GRPEL1: variants seen among roughly 807,000 people sequenced by gnomAD.
GRPEL1 encodes GrpE like 1, mitochondrial, also known as grpE protein homolog 1, mitochondrial.
Under a neutral mutation model 22.1 loss-of-function variants are expected in GRPEL1, and 13 were observed. The ratio of observed to expected loss-of-function variants is 0.59; its 90% CI spans 0.38 to 0.94. The LOEUF is 0.94. GRPEL1 is among the 40% of genes least tolerant of loss of function. GRPEL1 has a pLI of 0.00. For missense variants in GRPEL1, 289 were observed against 264.6 expected (o/e 1.09, Z -0.64); for synonymous variants, 109 against 105.3 (o/e 1.03, Z -0.21).
intron 1 of GRPEL1, among the ~76,000 whole-genome samples, chr4:7,065,982 T>A (rs572664419): frequency 6.6e-6 from 1 of 151,846 alleles, no homozygotes; most frequent in African/African-American, 2.4e-5. Context: ...GCCTGCCGAG[T>A]AGCTGGGACT....
intron 1 of GRPEL1, among the ~76,000 whole-genome samples, chr4:7,065,936 C>A (rs1410202152): frequency 6.6e-6 from 1 of 150,768 alleles, no homozygotes; most frequent in Admixed American, 6.6e-5. Flanking sequence ...TCACTGCAAG[C>A]TCCGCCGCCC....
rs765277858 is a variant in GRPEL1, at chr4:7,068,036, T to C, written c.-4A>G. 1.7e-5 allele frequency: 27 copies of C among 1,612,746 alleles called. No homozygotes were observed. Among genetic ancestry groups the C allele is most frequent in the Middle Eastern group, 3.3e-4 (2 of 6,084 alleles). On this transcript the variant is annotated 5_prime_UTR_variant, in exon 1 of 4. Transcript: ENST00000264954. ...ACCTCACGCACTGAGCCGCCATGAC[T>C]GCCACTGCCCGTCGCAGTCGCCGCG... is the stretch of plus-strand genomic sequence containing the variant.
At position 7,060,787 on chromosome 4, in the gene GRPEL1, A is replaced by G; in HGVS notation, c.*75T>C. ...GTTTGGGAAAAGGTCACACGTACTCATAGATGAGAAACAATGAACCAGCCT... is the reference window on the plus strand; with the variant it reads ...GTTTGGGAAAAGGTCACACGTACTCGTAGATGAGAAACAATGAACCAGCCT... On this transcript the variant is annotated 3_prime_UTR_variant, in exon 4 of 4. Transcript: ENST00000264954. 1.5e-6 allele frequency: 2 copies of G among 1,313,876 alleles called. No homozygotes were observed. The highest frequency in any genetic ancestry group is 2.3e-5 in the East Asian group (1 of 43,304). The allele number at this position is 1,313,876 out of a possible 1,614,324, so 81.4% of individuals were successfully genotyped here. A position where few individuals can be genotyped will look rare whatever the true frequency, so the allele number is the denominator to read the frequency against.
intron 2 of GRPEL1, among the ~76,000 whole-genome samples, chr4:7,062,713 C>T (rs1019029138): frequency 7.2e-5 from 11 of 151,816 alleles, no homozygotes; most frequent in African/African-American, 1.2e-4. Flanking sequence ...AGGGTTTCAC[C>T]GTGTTAGCCA....
intron 3 of GRPEL1, 101 bp downstream of exon 3, chr4:7,062,284 C>A (rs1389043303): frequency 1.3e-5 from 6 of 460,246 alleles, no homozygotes; most frequent in South Asian, 5.9e-5. Flanking sequence ...GGACCCCCCA[C>A]CCCACAGCCT....
rs747692006 is a variant in GRPEL1, at chr4:7,062,505, TATATATA to T, written c.226-46_226-40del. 81 of 596,060 alleles carry T rather than the reference TATATATA, an allele frequency of 1.4e-4. 2 individuals are homozygous for T. The highest frequency in any genetic ancestry group is 2.0e-4 in the South Asian group (5 of 24,584). 36.9% of individuals were successfully genotyped at this position (596,060 alleles called of 1,614,324 possible). On this transcript the variant is annotated intron_variant, in intron 2 of 3. Transcript: ENST00000264954. ...AAAGGGATATTTATATATATATATATATATATATATCTTTTTTTTTGAGACGGAATCT... is the reference window on the plus strand; with the variant it reads ...AAAGGGATATTTATATATATATATATTATCTTTTTTTTTGAGACGGAATCT...
intron 1 of GRPEL1, among the ~76,000 whole-genome samples, chr4:7,064,548 T>A (rs1560401194): frequency 6.6e-6 from 1 of 152,152 alleles, no homozygotes; most frequent in African/African-American, 2.4e-5. Context: ...TCTTTTTTTT[T>A]GAGAGAGAGA....
At chr4:7,062,319 TG>T in intron 3 of GRPEL1, 65 bp downstream of exon 3, 2 of 696,772 alleles carry the variant, frequency 2.9e-6, no homozygotes, top group Non-Finnish European at 5.0e-6. Flanking sequence ...TCCGTATGCA[TG>T]GCCTTCCCCT....
At chr4:7,065,839 C>T (rs899027227) in intron 1 of GRPEL1, among the ~76,000 whole-genome samples, 28 of 147,580 alleles carry the variant, frequency 1.9e-4, no homozygotes, top group Admixed American at 1.7e-3. Flanking sequence ...GATTTCTTCA[C>T]CAGGACCAGA....
rs767432447 is a variant in GRPEL1 at position 7,061,220 on chromosome 4, TAAA to T, written c.308-15_308-13del. ...GAAGGCTTGAATGCCTGGATGAAGT[TAAA>T]GAAGATCATTTGCACTCCATACCAA... On this transcript the variant is annotated splice_polypyrimidine_tract_variant and intron_variant, in intron 3 of 3. Transcript: ENST00000264954. The T allele has an allele frequency of 6.3e-7, 1 of 1,595,686 alleles. No individual in the cohort carries two copies. The highest frequency in any genetic ancestry group is 1.3e-5 in the African/African-American group (1 of 74,372).
intron 2 of GRPEL1, 50 bp downstream of exon 2, chr4:7,064,011 G>A (rs750928015): frequency 6.3e-7 from 1 of 1,582,092 alleles, no homozygotes; most frequent in South Asian, 1.1e-5. Context: ...TGGCCCAGGA[G>A]AGAAACAGTT....
In GRPEL1 at chr4:7,062,434, C is replaced by A. The variant is rs1421723632; in HGVS notation, c.258G>T (p.Glu86Asp). 1.3e-6 allele frequency: 2 copies of A among 1,595,276 alleles called. No homozygotes were observed. Among genetic ancestry groups the A allele is most frequent in the South Asian group, 1.1e-5 (1 of 89,214 alleles). The part of the protein sequence containing the change: ...EKYKRALADT[E>D]NLRQRSQKLV... ...ATTTCTGGCTCCTCTGCCGTAAGTTCTCAGTGTCTGCCAAAGCTCGTTTAT... is the reference window on the plus strand; with the variant it reads ...ATTTCTGGCTCCTCTGCCGTAAGTTATCAGTGTCTGCCAAAGCTCGTTTAT... Residue 86 changes from glutamate (E) to aspartate (D), a missense_variant, in exon 3 of 4, where the codon GAG becomes GAT. Transcript: ENST00000264954.
At chr4:7,063,506 T>C (rs1724092978) in intron 2 of GRPEL1, among the ~76,000 whole-genome samples, 1 of 152,132 alleles carries the variant, frequency 6.6e-6, no homozygotes, top group Non-Finnish European at 1.5e-5. Flanking sequence ...GTCCAGGGGG[T>C]TCTAGTTCGA....
At chr4:7,063,300 G>A (rs1724088691) in intron 2 of GRPEL1, among the ~76,000 whole-genome samples, 1 of 151,962 alleles carries the variant, frequency 6.6e-6, no homozygotes, top group African/African-American at 2.4e-5. Context: ...TGTTGCCCAG[G>A]CTGGTCTTGA....
Position 7,060,753 on chromosome 4 carries a change from T to G in GRPEL1, c.*109A>C. 9.8e-7 allele frequency: 1 copy of G among 1,017,648 alleles called. No individual in the cohort carries two copies. The highest frequency in any genetic ancestry group is 1.6e-5 in the South Asian group (1 of 64,066). The allele number at this position is 1,017,648 out of a possible 1,614,324, so 63.0% of individuals were successfully genotyped here. ...GTTTAGCCACTGGTTACTTAAGGTT[T>G]CCAATAAGGTTTGGGAAAAGGTCAC... On this transcript the variant is annotated 3_prime_UTR_variant, in exon 4 of 4. Transcript: ENST00000264954.
chr4:7,065,622 A>C (rs1350471544), intron 1 of GRPEL1, among the ~76,000 whole-genome samples: 4 of 152,136 alleles, frequency 2.6e-5, no homozygotes, highest in Non-Finnish European at 4.4e-5. Flanking sequence ...AAACCATGAA[A>C]GGCTTTGTAG....
At chr4:7,062,254 A>G in intron 3 of GRPEL1, 131 bp downstream of exon 3, 1 of 440,104 alleles carries the variant, frequency 2.3e-6, no homozygotes, top group East Asian at 3.8e-5. Context: ...ATAAAAAAAA[A>G]TGCAGGGGAT....
chr4:7,064,153 C>G lies in GRPEL1; in HGVS notation c.133G>C (p.Gly45Arg), dbSNP rs945766651. 1 of 1,614,192 alleles carries G rather than the reference C, an allele frequency of 6.2e-7. No homozygotes were observed. ...NSGQNLEEDM[G>R]QSEQKADPPA... ...GGATCTGCCTTCTGTTCACTCTGAC[C>G]CATGTCCTCTTCCAGGTTCTGGCCA... is the stretch of plus-strand genomic sequence containing the variant. The change falls in exon 2 of 4, where the codon GGT becomes CGT. Residue 45 changes from glycine (G) to arginine (R), a missense_variant. By Grantham distance (125) the Gly-to-Arg change is moderately radical. Coordinates refer to ENST00000264954, the MANE Select transcript of GRPEL1 (RefSeq NM_025196.4).
rs910495950 is a variant in GRPEL1, at chr4:7,059,701, C to T, written c.*1161G>A. On this transcript the variant is annotated 3_prime_UTR_variant, in exon 4 of 4. Coordinates refer to ENST00000264954, the MANE Select transcript of GRPEL1 (RefSeq NM_025196.4). ...TCTTCCATTCTAGAAGCAAAGGCAGCGAAAGGTTCTTTTCTCTTTTTTGTA... is the reference window on the plus strand; with the variant it reads ...TCTTCCATTCTAGAAGCAAAGGCAGTGAAAGGTTCTTTTCTCTTTTTTGTA... 30 of 152,338 alleles carry T rather than the reference C, an allele frequency of 2.0e-4. No individual in the cohort carries two copies. The highest frequency in any genetic ancestry group is 7.0e-4 in the African/African-American group (29 of 41,562). The allele number at this position is 152,338 out of a possible 1,614,324, so 9.4% of individuals were successfully genotyped here.
Sources: allele counts gnomAD v4.1 joint callset (sites outside exome capture counted in the v4.1 genomes callset), GRCh38; gene constraint gnomAD v4.1.1; transcripts MANE v1.5; gene names NCBI Gene and HGNC (gene_info 2026-07-23, HGNC 2026-07-21).